GRM5: variants seen among roughly 807,000 people sequenced by gnomAD.
The protein encoded by GRM5 is metabotropic glutamate receptor 5.
A neutral mutation model predicts 83.1 loss-of-function variants in GRM5; 19 were observed. The observed-to-expected ratio is 0.23, with a 90% confidence interval of 0.16 to 0.34. The LOEUF (loss-of-function observed/expected upper bound fraction) is 0.34, where lower values mean the gene tolerates loss of function less well. Among genes scored for constraint, GRM5 ranks in the 10% least tolerant of loss-of-function variants. The pLI, the probability that GRM5 is intolerant of heterozygous loss-of-function variation, is 1.00. For missense variants in GRM5, 1,160 were observed against 1,588.3 expected (o/e 0.73, Z 4.58); for synonymous variants, 675 against 633.6 (o/e 1.07, Z -0.98).
intron 2 of GRM5, among the ~76,000 whole-genome samples, chr11:88,864,499 T>C (rs1166531192): frequency 6.6e-6 from 1 of 152,086 alleles, no homozygotes; most frequent in African/African-American, 2.4e-5. Flanking sequence ...TAGGAATGCT[T>C]GTGATTTTTG....
chr11:88,747,678 G>A (rs1021096979), intron 3 of GRM5, among the ~76,000 whole-genome samples: 2 of 149,000 alleles, frequency 1.3e-5, no homozygotes, highest in African/African-American at 4.9e-5. Context: ...GAAAAAGTGA[G>A]TGCAGTTTGT....
chr11:89,039,309 T>C (rs974636157), intron 2 of GRM5, among the ~76,000 whole-genome samples: 4 of 151,474 alleles, frequency 2.6e-5, no homozygotes, highest in Non-Finnish European at 4.4e-5. Flanking sequence ...TGATTATGTT[T>C]CAACTCACAA....
Position 88,508,340 on chromosome 11 carries a change from A to C in GRM5, c.*252T>G, listed in dbSNP as rs1591308332. On this transcript the variant is annotated 3_prime_UTR_variant, in exon 10 of 10. Coordinates refer to ENST00000305447, the MANE Select transcript of GRM5 (RefSeq NM_001143831.3). The surrounding 1 kb of genome is among the most constrained non-coding windows in gnomAD (Gnocchi z 4.2). Reference sequence around the variant, plus strand: ...TTGAAGAGACGCCTTGTCAGCCCTCAAAGATATCAGCCGTGTTTCTTAAAA... The same window carrying C: ...TTGAAGAGACGCCTTGTCAGCCCTCCAAGATATCAGCCGTGTTTCTTAAAA... 1.3e-5 allele frequency: 5 copies of C among 399,864 alleles called. No homozygotes were observed. The East Asian group carries it at 2.5e-4, about 20-fold the overall frequency. The allele number at this position is 399,864 out of a possible 1,614,324, so 24.8% of individuals were successfully genotyped here.
chr11:88,870,592 A>G (rs2135560838), intron 2 of GRM5, among the ~76,000 whole-genome samples: 2 of 151,766 alleles, frequency 1.3e-5, no homozygotes, highest in Middle Eastern at 3.4e-3. Context: ...GAATGATTTC[A>G]TAGTTTGTAG....
chr11:88,509,098 C>G lies in GRM5; in HGVS notation c.3133G>C (p.Glu1045Gln). Residue 1045 changes from glutamate (E) to glutamine (Q), a missense_variant, in exon 10 of 10, where the codon GAG (glutamate) becomes CAG (glutamine). By Grantham distance (29) the Glu-to-Gln change is conservative. Coordinates refer to ENST00000305447, the MANE Select transcript of GRM5 (RefSeq NM_001143831.3). The part of the protein sequence containing the change: ...TDDDVPSLHS[E>Q]PVARSSSSQG... ...GAGGAGCTGCTGCGCGCCACAGGCTCCGAGTGCAGCGACGGCACATCGTCG... is the reference window on the plus strand; with the variant it reads ...GAGGAGCTGCTGCGCGCCACAGGCTGCGAGTGCAGCGACGGCACATCGTCG... The G allele has an allele frequency of 6.5e-7, 1 of 1,548,276 alleles. No homozygotes were observed. Among genetic ancestry groups the G allele is most frequent in the Non-Finnish European group, 8.7e-7 (1 of 1,146,556 alleles).
At chr11:88,595,081 T>G (rs1937761788) in intron 6 of GRM5, among the ~76,000 whole-genome samples, 1 of 152,184 alleles carries the variant, frequency 6.6e-6, no homozygotes, top group South Asian at 2.1e-4. Context: ...ATCCATTACA[T>G]GCTTTTTTAT....
chr11:88,780,858 C>A (rs1484402522), intron 3 of GRM5, among the ~76,000 whole-genome samples: 1 of 151,986 alleles, frequency 6.6e-6, no homozygotes, highest in Non-Finnish European at 1.5e-5. Flanking sequence ...TATAACTTCT[C>A]AGAAGCAAAT....
At chr11:88,915,721 G>A (rs113447392) in intron 2 of GRM5, among the ~76,000 whole-genome samples, 1 of 152,238 alleles carries the variant, frequency 6.6e-6, no homozygotes, top group Non-Finnish European at 1.5e-5. Context: ...CTGACAATAT[G>A]TATGGGCTGC....
intron 3 of GRM5, among the ~76,000 whole-genome samples, chr11:88,699,720 G>C (rs1028612584): frequency 5.6e-5 from 8 of 143,154 alleles, no homozygotes; most frequent in Non-Finnish European, 9.1e-5. Flanking sequence ...GCATGAGCAA[G>C]ACTAGTAGAC....
intron 2 of GRM5, among the ~76,000 whole-genome samples, chr11:88,983,939 A>G (rs551574358): frequency 1.3e-5 from 2 of 152,316 alleles, no homozygotes; most frequent in African/African-American, 4.8e-5. Context: ...AAAGTTAAAA[A>G]ATAAAAACTT....
At chr11:88,979,395 T>C (rs1476220483) in intron 2 of GRM5, among the ~76,000 whole-genome samples, 3 of 152,360 alleles carry the variant, frequency 2.0e-5, no homozygotes, top group South Asian at 4.1e-4. Flanking sequence ...GCACATTTAT[T>C]CTCTAACTTA....
chr11:88,594,291 T>A (rs1384602639), intron 6 of GRM5, among the ~76,000 whole-genome samples: 1 of 152,196 alleles, frequency 6.6e-6, no homozygotes, highest in African/African-American at 2.4e-5. Context: ...GCAAGATAAT[T>A]GGCCAAGATG....
At chr11:88,587,680 C>T (rs1943345686) in intron 7 of GRM5, among the ~76,000 whole-genome samples, 2 of 152,112 alleles carry the variant, frequency 1.3e-5, no homozygotes. Context: ...TCTCATTTGA[C>T]AGGTTCTCTC....
At chr11:88,548,658 A>C (rs1290060910) in intron 8 of GRM5, among the ~76,000 whole-genome samples, 1 of 152,146 alleles carries the variant, frequency 6.6e-6, no homozygotes, top group Non-Finnish European at 1.5e-5. Context: ...TAACATTACA[A>C]CCTGCCAGAT....
intron 1 of GRM5, among the ~76,000 whole-genome samples, chr11:89,053,841 C>T (rs1941813863): frequency 1.3e-5 from 2 of 152,076 alleles, no homozygotes; most frequent in South Asian, 2.1e-4. Flanking sequence ...TCTAGAGAAA[C>T]AACATTCCAG....
chr11:88,962,550 A>G (rs1358446710), intron 2 of GRM5, among the ~76,000 whole-genome samples: 1 of 151,716 alleles, frequency 6.6e-6, no homozygotes, highest in Non-Finnish European at 1.5e-5. Context: ...TCATTTATTA[A>G]TTTAATAATT....
At chr11:88,765,615 A>G (rs939381417) in intron 3 of GRM5, among the ~76,000 whole-genome samples, 1 of 151,660 alleles carries the variant, frequency 6.6e-6, no homozygotes, top group African/African-American at 2.4e-5. Context: ...TCAACAAATG[A>G]TGCTTGGATA....
At chr11:88,771,451 G>T (rs1942735199) in intron 3 of GRM5, among the ~76,000 whole-genome samples, 2 of 152,192 alleles carry the variant, frequency 1.3e-5, no homozygotes, top group East Asian at 3.9e-4. Context: ...GGAGTCCAAA[G>T]GCTGAAAAAC....
chr11:88,915,380 C>A (rs950535926), intron 2 of GRM5, among the ~76,000 whole-genome samples: 3 of 151,744 alleles, frequency 2.0e-5, no homozygotes, highest in African/African-American at 4.8e-5. Flanking sequence ...AAGTTTGATT[C>A]AAAAACCAGT....
Sources: allele counts gnomAD v4.1 joint callset (sites outside exome capture counted in the v4.1 genomes callset), GRCh38; gene constraint gnomAD v4.1.1; non-coding constraint Gnocchi (gnomAD v3.1); transcripts MANE v1.5; gene names NCBI Gene and HGNC (gene_info 2026-07-23, HGNC 2026-07-21).